RPH3A: variants seen among roughly 807,000 people sequenced by gnomAD.
The protein encoded by RPH3A is rabphilin 3A, also known as rabphilin-3A.
A neutral mutation model predicts 102.2 loss-of-function variants in RPH3A; 48 were observed. The ratio of observed to expected loss-of-function variants is 0.47; its 90% CI spans 0.37 to 0.60. The LOEUF (loss-of-function observed/expected upper bound fraction) is 0.60. RPH3A is among the 20% of genes least tolerant of loss of function. The pLI is 0.00. For missense variants in RPH3A, 781 were observed against 910.1 expected, an observed-to-expected ratio of 0.86 and a Z score of 1.83; for synonymous variants, 310 against 324.3, an observed-to-expected ratio of 0.96 and a Z score of 0.47.
intron 1 of RPH3A, among the ~76,000 whole-genome samples, chr12:112,582,269 AC>A (rs1466061809): frequency 6.8e-6 from 1 of 146,610 alleles, no homozygotes; most frequent in Non-Finnish European, 1.5e-5. Context: ...TTTTAGAGAT[AC>A]GTTCTCATTC....
chr12:112,753,249 G>A (rs2040797831), intron 1 of RPH3A, among the ~76,000 whole-genome samples: 1 of 152,158 alleles, frequency 6.6e-6, no homozygotes, highest in Admixed American at 6.5e-5. Context: ...ATTCTGGGCA[G>A]AGCCCACTTC....
At chr12:112,646,572 A>T (rs905541302) in intron 1 of RPH3A, among the ~76,000 whole-genome samples, 12 of 152,134 alleles carry the variant, frequency 7.9e-5, no homozygotes, top group African/African-American at 2.9e-4. Context: ...CATGGCCAGT[A>T]CATCACCAAA....
chr12:112,847,636 G>A lies in RPH3A; in HGVS notation c.84-60G>A, dbSNP rs938030089. On this transcript the variant is annotated intron_variant, in intron 4 of 21. Transcript: ENST00000389385. ...CAGTTTCCCAGACAGTGAGTTTCCC[G>A]GCAGGAATTTGAACTACTATTTTCT... The A allele has an allele frequency of 1.3e-5, 21 of 1,562,330 alleles. No homozygotes were observed. In the South Asian group the frequency reaches 1.6e-4, roughly 12 times the overall value.
In RPH3A at chr12:112,812,457, G is replaced by A. The variant is rs544488491; in HGVS notation, c.-18-15844G>A. On this transcript the variant is annotated intron_variant, in intron 2 of 21. Coordinates refer to ENST00000389385, the MANE Select transcript of RPH3A (RefSeq NM_001143854.2). ...TTCAGAGAAGAAAGAATGGATTGAAGAAGGCATTACAGGACAGATGAGAGT... is the reference window on the plus strand; with the variant it reads ...TTCAGAGAAGAAAGAATGGATTGAAAAAGGCATTACAGGACAGATGAGAGT... Among the ~76,000 whole-genome samples, 9 of 152,336 alleles carry A rather than the reference G, an allele frequency of 5.9e-5. No homozygotes were observed. In the South Asian group the frequency reaches 1.7e-3, roughly 28 times the overall value.
chr12:112,847,985 C>T, intron 5 of RPH3A, 143 bp downstream of exon 5: 1 of 799,022 alleles, frequency 1.3e-6, no homozygotes, highest in Non-Finnish European at 2.0e-6. Flanking sequence ...CACCTCCCCG[C>T]CCCACCCCCT....
intron 2 of RPH3A, among the ~76,000 whole-genome samples, chr12:112,802,191 C>G (rs1240390344): frequency 1.3e-5 from 2 of 152,158 alleles, no homozygotes; most frequent in Non-Finnish European, 1.5e-5. Context: ...GATTCTTTGC[C>G]TAACAAATGC....
chr12:112,641,510 C>T (rs563952253), intron 1 of RPH3A, among the ~76,000 whole-genome samples: 86 of 152,192 alleles, frequency 5.7e-4, no homozygotes, highest in African/African-American at 1.8e-3. Flanking sequence ...GATTCTTGTG[C>T]CTCAGCCTCT....
At chr12:112,832,581 C>A (rs1234390861) in intron 3 of RPH3A, among the ~76,000 whole-genome samples, 1 of 152,172 alleles carries the variant, frequency 6.6e-6, no homozygotes, top group Non-Finnish European at 1.5e-5. Context: ...GTGGCTCACA[C>A]CTATAATCAC....
chr12:112,866,423 A>C (rs752169432), intron 6 of RPH3A, among the ~76,000 whole-genome samples: 1 of 152,178 alleles, frequency 6.6e-6, no homozygotes, highest in Non-Finnish European at 1.5e-5. Flanking sequence ...GGAAATAAAG[A>C]GGAAATAAAT....
chr12:112,656,494 T>A (rs1316535231), intron 1 of RPH3A, among the ~76,000 whole-genome samples: 1 of 152,168 alleles, frequency 6.6e-6, no homozygotes, highest in Non-Finnish European at 1.5e-5. Context: ...ATGGTGAGGT[T>A]TGGGCCTCCA....
intron 1 of RPH3A, among the ~76,000 whole-genome samples, chr12:112,712,973 C>CTTTTTTTTTT (rs762091836): frequency 2.1e-5 from 2 of 94,642 alleles, no homozygotes; most frequent in Admixed American, 1.3e-4. Flanking sequence ...CTTTCTTCTT[C>CTTTTTTTTTT]TTTCTTCTTC....
At chr12:112,777,045 A>T (rs1034869395) in intron 1 of RPH3A, among the ~76,000 whole-genome samples, 1 of 152,222 alleles carries the variant, frequency 6.6e-6, no homozygotes, top group Non-Finnish European at 1.5e-5. Context: ...TTACATTGCA[A>T]TGTGAAGTCA....
intron 1 of RPH3A, among the ~76,000 whole-genome samples, chr12:112,737,628 C>T (rs920974267): frequency 6.6e-6 from 1 of 152,092 alleles, no homozygotes; most frequent in Non-Finnish European, 1.5e-5. Flanking sequence ...GAGCCATAGA[C>T]TCCTCCTCCA....
chr12:112,608,201 T>C lies in RPH3A; in HGVS notation c.-140+32882T>C, dbSNP rs562412789. On this transcript the variant is annotated intron_variant, in intron 1 of 21. Transcript: ENST00000543106. ...GGCGATCTTGGCTTACTGCAATCTC[T>C]GCCTGCCGGGTTCAAGTGATTTTCC... Among the ~76,000 whole-genome samples, 40 of 151,920 alleles carry C rather than the reference T, an allele frequency of 2.6e-4. 1 individual carries two copies. Among genetic ancestry groups the C allele is most frequent in the Admixed American group, 2.6e-3 (39 of 15,256 alleles).
At chr12:112,773,026 T>C (rs1592991042) in intron 1 of RPH3A, among the ~76,000 whole-genome samples, 3 of 152,202 alleles carry the variant, frequency 2.0e-5, no homozygotes, top group Admixed American at 2.0e-4. Context: ...AGAATAATAG[T>C]CTCCAATCTC....
intron 1 of RPH3A, among the ~76,000 whole-genome samples, chr12:112,594,350 G>T (rs1370732177): frequency 6.6e-6 from 1 of 152,076 alleles, no homozygotes; most frequent in Non-Finnish European, 1.5e-5. Context: ...TTGAAGCCAG[G>T]CAGTCTAACT....
At chr12:112,751,293 C>T (rs1229345063) in intron 1 of RPH3A, among the ~76,000 whole-genome samples, 1 of 152,166 alleles carries the variant, frequency 6.6e-6, no homozygotes, top group African/African-American at 2.4e-5. Context: ...AAGTCATATG[C>T]ATAGCAGGCA....
At chr12:112,854,049 C>T (rs1226714911) in intron 5 of RPH3A, among the ~76,000 whole-genome samples, 2 of 152,194 alleles carry the variant, frequency 1.3e-5, no homozygotes, top group Non-Finnish European at 2.9e-5. Flanking sequence ...CTTCAAATCC[C>T]TCTAGCTCAG....
At chr12:112,744,859 A>G (rs1008014968) in intron 1 of RPH3A, among the ~76,000 whole-genome samples, 2 of 152,236 alleles carry the variant, frequency 1.3e-5, no homozygotes, top group Non-Finnish European at 2.9e-5. Flanking sequence ...ACCTCTAAAC[A>G]TCTCAAGCAT....
Sources: gnomAD v4.1 joint callset for allele counts (sites outside exome capture counted in the v4.1 genomes callset) on GRCh38, gnomAD v4.1.1 for gene constraint, MANE v1.5 for transcripts, NCBI Gene and HGNC (gene_info 2026-07-23, HGNC 2026-07-21) for gene names.